Variants in CPLANE1 observed in about 807,000 individuals in gnomAD.
CPLANE1 encodes ciliogenesis and planar polarity effector 1.
Under a neutral mutation model 362.5 loss-of-function variants are expected in CPLANE1, and 263 were observed. The observed-to-expected ratio is 0.73, with a 90% CI of 0.66 to 0.80. The LOEUF (loss-of-function observed/expected upper bound fraction) is 0.80. CPLANE1 is among the 30% of genes least tolerant of loss of function. The pLI, the probability that CPLANE1 is intolerant of heterozygous loss-of-function variation, is 0.00. For missense variants in CPLANE1, 3,461 were observed against 3,793.4 expected, an observed-to-expected ratio of 0.91 and a Z score of 2.30; for synonymous variants, 1,212 against 1,302.6, an observed-to-expected ratio of 0.93 and a Z score of 1.50.
downstream of CPLANE1, among the ~76,000 whole-genome samples, chr5:37,104,309 T>C (rs572039881): frequency 5.9e-5 from 9 of 152,262 alleles, no homozygotes; most frequent in South Asian, 1.9e-3. Context: ...GTTCTAACTA[T>C]GCTCCAGGAT....
chr5:37,160,415 C>T (rs1049348386), intron 38 of CPLANE1, among the ~76,000 whole-genome samples: 6 of 151,792 alleles, frequency 4.0e-5, no homozygotes, highest in African/African-American at 7.3e-5. Flanking sequence ...ATTAGCCAGG[C>T]GTGGTGGAGG....
chr5:37,085,665 C>A, the CPLANE1 span: 1 of 1,084,316 alleles, frequency 9.2e-7, no homozygotes, highest in African/African-American at 1.5e-5. Flanking sequence ...GAGAGGCACC[C>A]TGGATCTTTT....
At chr5:37,237,890 A>T (rs1021567382) in intron 8 of CPLANE1, among the ~76,000 whole-genome samples, 2 of 151,288 alleles carry the variant, frequency 1.3e-5, no homozygotes, top group African/African-American at 4.9e-5. Context: ...ATATAAAGTG[A>T]CTTTTAGGCT....
At chr5:37,200,075 C>T (rs188544936) in intron 19 of CPLANE1, among the ~76,000 whole-genome samples, 1 of 152,344 alleles carries the variant, frequency 6.6e-6, no homozygotes, top group Non-Finnish European at 1.5e-5. Context: ...GATGACACCT[C>T]AGAAAACAAA....
At chr5:37,165,713 G>A in intron 35 of CPLANE1, 42 bp from the exon 36 acceptor site, 1 of 1,538,750 alleles carries the variant, frequency 6.5e-7, no homozygotes, top group Non-Finnish European at 8.7e-7. Flanking sequence ...TACAACTATA[G>A]CAACATTTGC....
intron 16 of CPLANE1, among the ~76,000 whole-genome samples, chr5:37,208,957 A>C (rs1306735098): frequency 6.6e-6 from 1 of 151,894 alleles, no homozygotes; most frequent in Admixed American, 6.6e-5. Flanking sequence ...AAGAAAAGAA[A>C]AAAAGAAAAC....
At chr5:37,166,820 G>T (rs1379311482) in intron 35 of CPLANE1, among the ~76,000 whole-genome samples, 1 of 152,014 alleles carries the variant, frequency 6.6e-6, no homozygotes, top group Non-Finnish European at 1.5e-5. Context: ...GTCTATGAAT[G>T]GTAGGAAAGA....
chr5:37,104,142 A>T (rs1327264399), downstream of CPLANE1, among the ~76,000 whole-genome samples: 1 of 152,116 alleles, frequency 6.6e-6, no homozygotes, highest in Non-Finnish European at 1.5e-5. Flanking sequence ...TCTTTTCTCC[A>T]CTTGGCCTAT....
intron 4 of CPLANE1, among the ~76,000 whole-genome samples, chr5:37,245,084 G>A (rs1347029306): frequency 3.3e-5 from 5 of 151,114 alleles, no homozygotes; most frequent in Non-Finnish European, 7.4e-5. Context: ...CCCCGGAGGC[G>A]AGTGAGCTGA....
Position 37,195,982 on chromosome 5 carries a change from T to C in CPLANE1, c.3687A>G (p.Gly1229=). The part of the protein sequence containing the change: ...RKVMQKIRMK[G]SLPSLSPFPQ... ...GAAAAGGACTCAGTGAAGGAAGGGATCCTTTCATTCGAATCTAAAAGTAAA... is the reference window on the plus strand; with the variant it reads ...GAAAAGGACTCAGTGAAGGAAGGGACCCTTTCATTCGAATCTAAAAGTAAA... The change falls in exon 21 of 53, where the codon GGA becomes GGG. Residue 1229 remains glycine (G), a synonymous_variant. Transcript: ENST00000651892. 1 of 1,601,596 alleles carries C rather than the reference T, an allele frequency of 6.2e-7. No individual in the cohort carries two copies. Among genetic ancestry groups the C allele is most frequent in the Non-Finnish European group, 8.5e-7 (1 of 1,176,376 alleles).
intron 22 of CPLANE1, 40 bp from the exon 23 acceptor site, chr5:37,187,612 T>C (rs1784419327): frequency 1.3e-6 from 2 of 1,583,830 alleles, no homozygotes; most frequent in South Asian, 1.2e-5. Context: ...CTTTTTAGTT[T>C]AGATGGTAGA....
In CPLANE1 at chr5:37,182,923, C is replaced by T; in HGVS notation, c.5258G>A (p.Trp1753Ter). The part of the protein sequence containing the change: ...IGRLLEWMIR[W>*]SNRRLLCDSG... ...ATCACAGAGTAGCCTTCTATTAGAC[C>T]ACCTTATCATCCATTCCAGCAGTCT... Residue 1753 changes from tryptophan (W) to a stop codon, truncating the protein, a stop_gained, in exon 26 of 53, where the codon TGG becomes TAG. Coordinates refer to ENST00000651892, the MANE Select transcript of CPLANE1 (RefSeq NM_001384732.1). LOFTEE classifies it high-confidence loss of function. The T allele has an allele frequency of 6.2e-7, 1 of 1,605,140 alleles. No homozygotes were observed. The highest frequency in any genetic ancestry group is 8.5e-7 in the Non-Finnish European group (1 of 1,176,540).
At chr5:37,222,245 T>C (rs1795513462) in intron 14 of CPLANE1, among the ~76,000 whole-genome samples, 1 of 152,214 alleles carries the variant, frequency 6.6e-6, no homozygotes, top group South Asian at 2.1e-4. Flanking sequence ...AGAGATAACA[T>C]TGTATGCAAT....
chr5:37,089,481 C>A, the CPLANE1 span, among the ~76,000 whole-genome samples: 4 of 152,108 alleles, frequency 2.6e-5, no homozygotes, highest in African/African-American at 9.7e-5. Flanking sequence ...AGAGAAATTA[C>A]AGAGGGCCCA....
chr5:37,206,091 A>G (rs545023513), intron 17 of CPLANE1, 106 bp downstream of exon 17: 2 of 788,096 alleles, frequency 2.5e-6, no homozygotes, highest in South Asian at 3.5e-5. Context: ...CCATTGAACA[A>G]TGCTGAACTA....
At chr5:37,119,355 C>T (rs1761969458) in intron 50 of CPLANE1, among the ~76,000 whole-genome samples, 1 of 152,120 alleles carries the variant, frequency 6.6e-6, no homozygotes. Context: ...TACTAATACC[C>T]TGATTGTTCA....
chr5:37,229,872 T>C (rs1031382542), intron 9 of CPLANE1, among the ~76,000 whole-genome samples: 1 of 152,018 alleles, frequency 6.6e-6, no homozygotes, highest in Non-Finnish European at 1.5e-5. Flanking sequence ...AGATGGGAGA[T>C]CAAAATAAAT....
Position 37,175,892 on chromosome 5 carries a change from T to C in CPLANE1, c.5978+17A>G, listed in dbSNP as rs1206070583. ...ACACAACTATTTTTAAATGGTATAG[T>C]AGGCAAAACTTCTTACCTAGAAATT... On this transcript the variant is annotated intron_variant, in intron 31 of 52. Transcript: ENST00000651892. The C allele has an allele frequency of 4.5e-6, 7 of 1,570,236 alleles. No homozygotes were observed. Among genetic ancestry groups the C allele is most frequent in the Non-Finnish European group, 5.3e-6 (6 of 1,141,082 alleles).
the CPLANE1 span, among the ~76,000 whole-genome samples, chr5:37,092,911 T>C: frequency 6.6e-6 from 1 of 152,186 alleles, no homozygotes; most frequent in Non-Finnish European, 1.5e-5. Flanking sequence ...GTGACCCGGG[T>C]GCAGGGACAG....
Sources: gnomAD v4.1 joint callset for allele counts (sites outside exome capture counted in the v4.1 genomes callset) on GRCh38, gnomAD v4.1.1 for gene constraint, MANE v1.5 for transcripts, NCBI Gene and HGNC (gene_info 2026-07-23, HGNC 2026-07-21) for gene names.